Variants in CNTLN observed in about 807,000 individuals in gnomAD.
CNTLN encodes centlein.
CNTLN carries 212 observed loss-of-function variants against 180.0 expected under a neutral mutation model. That is an observed-to-expected ratio of 1.18 (90% CI 1.05 to 1.32). The LOEUF (loss-of-function observed/expected upper bound fraction) is 1.32. Among genes scored for constraint, CNTLN ranks in the 40% most tolerant of loss-of-function variants. CNTLN has a pLI of 0.00. For missense variants in CNTLN, 2,095 were observed against 1,610.9 expected, an observed-to-expected ratio of 1.30 and a Z score of -5.14; for synonymous variants, 722 against 563.1, an observed-to-expected ratio of 1.28 and a Z score of -3.99.
chr9:17,292,168 G>A (rs1301718336), intron 6 of CNTLN, among the ~76,000 whole-genome samples: 1 of 152,134 alleles, frequency 6.6e-6, no homozygotes, highest in Non-Finnish European at 1.5e-5. Flanking sequence ...TGAGAAGTTT[G>A]CTGTTAGTCT....
At chr9:17,263,296 G>C (rs1827151245) in intron 5 of CNTLN, among the ~76,000 whole-genome samples, 1 of 146,102 alleles carries the variant, frequency 6.8e-6, no homozygotes, top group Non-Finnish European at 1.5e-5. Flanking sequence ...TGTGGTGTTT[G>C]GCTTTTTGTC....
At chr9:17,512,491 G>T in the CNTLN span, among the ~76,000 whole-genome samples, 4 of 152,128 alleles carry the variant, frequency 2.6e-5, no homozygotes, top group African/African-American at 9.7e-5. Context: ...CATAAAGATG[G>T]AAACAGTCGA....
At chr9:17,142,676 C>A (rs1586897183) in intron 1 of CNTLN, among the ~76,000 whole-genome samples, 1 of 152,126 alleles carries the variant, frequency 6.6e-6, no homozygotes, top group African/African-American at 2.4e-5. Context: ...TCACTCGAGG[C>A]ACTTTTAAAA....
chr9:17,522,109 A>G, the CNTLN span, among the ~76,000 whole-genome samples: 1 of 152,224 alleles, frequency 6.6e-6, no homozygotes, highest in South Asian at 2.1e-4. Context: ...CTCAGTTTCC[A>G]GTCTCCTGTC....
chr9:17,351,226 T>G (rs1443641055), intron 12 of CNTLN, among the ~76,000 whole-genome samples: 2 of 152,202 alleles, frequency 1.3e-5, no homozygotes, highest in Non-Finnish European at 2.9e-5. Context: ...TGTTGCAGTA[T>G]TTTTGAACTT....
At chr9:17,244,929 C>T (rs1825714627) in intron 5 of CNTLN, among the ~76,000 whole-genome samples, 1 of 152,154 alleles carries the variant, frequency 6.6e-6, no homozygotes. Flanking sequence ...AAAGAGAAAA[C>T]TAATATAAAC....
At chr9:17,367,799 C>G (rs1244522416) in intron 13 of CNTLN, among the ~76,000 whole-genome samples, 1 of 152,078 alleles carries the variant, frequency 6.6e-6, no homozygotes, top group African/African-American at 2.4e-5. Context: ...CAGGATCTAT[C>G]ACCTACTGAC....
the CNTLN span, among the ~76,000 whole-genome samples, chr9:17,518,183 GATTAC>G: frequency 5.3e-5 from 8 of 151,466 alleles, no homozygotes; most frequent in African/African-American, 1.9e-4. Context: ...AAGTAGCTAG[GATTAC>G]AGATGTGCAC....
In CNTLN at chr9:17,457,245, A is replaced by G. The variant is rs544904300; in HGVS notation, c.3115-279A>G. On this transcript the variant is annotated intron_variant, in intron 18 of 25. Coordinates refer to ENST00000380647, the MANE Select transcript of CNTLN (RefSeq NM_017738.4). ...ATGTGAATGTCTGGCTCACCCATGT[A>G]TGTGTGAAGGTAAAGAAATAGTGCA... Among the ~76,000 whole-genome samples, 21 of 152,212 alleles carry G rather than the reference A, an allele frequency of 1.4e-4. No individual in the cohort carries two copies. The South Asian group carries it at 4.1e-3, about 30-fold the overall frequency.
chr9:17,511,650 A>T, the CNTLN span, among the ~76,000 whole-genome samples: 3,983 of 74,946 alleles, frequency 0.053, 165 homozygotes, highest in African/African-American at 0.22. Flanking sequence ...TCTCTCTCTC[A>T]CACACACACA....
chr9:17,231,725 A>T (rs1824827650), intron 3 of CNTLN, among the ~76,000 whole-genome samples: 1 of 151,984 alleles, frequency 6.6e-6, no homozygotes, highest in Non-Finnish European at 1.5e-5. Context: ...TTTCATGTCC[A>T]TTTTGAAAAT....
chr9:17,523,462 C>G, the CNTLN span, among the ~76,000 whole-genome samples: 7 of 152,120 alleles, frequency 4.6e-5, no homozygotes, highest in Non-Finnish European at 1.0e-4. Context: ...ATCTCGAGCT[C>G]CTGACCTCAA....
chr9:17,171,467 A>G (rs113904895), intron 2 of CNTLN, among the ~76,000 whole-genome samples: 1,681 of 152,280 alleles, frequency 0.011, 34 homozygotes, highest in African/African-American at 0.038. Flanking sequence ...CTCAGCAGCC[A>G]AGGCTGCGTG....
intron 8 of CNTLN, among the ~76,000 whole-genome samples, chr9:17,326,152 G>T (rs1820275612): frequency 6.6e-6 from 1 of 151,906 alleles, no homozygotes; most frequent in South Asian, 2.1e-4. Context: ...GTTAACAATG[G>T]CAATTTAAAA....
At chr9:17,438,963 A>G (rs1829947664) in intron 18 of CNTLN, among the ~76,000 whole-genome samples, 1 of 152,204 alleles carries the variant, frequency 6.6e-6, no homozygotes, top group African/African-American at 2.4e-5. Flanking sequence ...TGGTTAAAGT[A>G]TATCAAGAAG....
At chr9:17,404,796 G>C (rs1041703115) in intron 15 of CNTLN, among the ~76,000 whole-genome samples, 1 of 143,760 alleles carries the variant, frequency 7.0e-6, no homozygotes. Context: ...GGAGTACAGT[G>C]GCGCGATCTT....
intron 25 of CNTLN, among the ~76,000 whole-genome samples, chr9:17,498,301 T>C (rs902247046): frequency 1.3e-5 from 2 of 152,184 alleles, no homozygotes; most frequent in African/African-American, 4.8e-5. Flanking sequence ...TTCTCAAGCA[T>C]CTGCAGTCAT....
At chr9:17,307,252 C>T (rs1818782241) in intron 7 of CNTLN, among the ~76,000 whole-genome samples, 1 of 151,460 alleles carries the variant, frequency 6.6e-6, no homozygotes, top group Admixed American at 6.6e-5. Flanking sequence ...TAAATATCTC[C>T]ACAATAATAT....
At chr9:17,383,154 T>C (rs1025612822) in intron 13 of CNTLN, among the ~76,000 whole-genome samples, 3 of 152,116 alleles carry the variant, frequency 2.0e-5, no homozygotes, top group African/African-American at 4.8e-5. Context: ...CGTATATGTA[T>C]ATACACACAC....
Sources: gnomAD v4.1 joint callset for allele counts (sites outside exome capture counted in the v4.1 genomes callset) on GRCh38, gnomAD v4.1.1 for gene constraint, MANE v1.5 for transcripts, NCBI Gene and HGNC (gene_info 2026-07-23, HGNC 2026-07-21) for gene names.